The following CNTN5 variants were observed in gnomAD, a reference collection of about 807,000 sequenced individuals.
The protein encoded by CNTN5 is contactin 5.
CNTN5 carries 77 observed loss-of-function variants against 129.1 expected under a neutral mutation model. The ratio of observed to expected loss-of-function variants is 0.60; its 90% confidence interval spans 0.50 to 0.72. The LOEUF (loss-of-function observed/expected upper bound fraction) is 0.72. CNTN5 is among the 30% of genes least tolerant of loss of function. The pLI, the probability that CNTN5 is intolerant of heterozygous loss-of-function variation, is 0.00. For synonymous variants in CNTN5, 509 were observed against 465.6 expected (o/e 1.09, Z -1.20); for missense variants, 1,478 against 1,328.8 (o/e 1.11, Z -1.75).
chr11:100,320,479 C>T (rs1286429245), intron 21 of CNTN5, among the ~76,000 whole-genome samples: 1 of 152,072 alleles, frequency 6.6e-6, no homozygotes, highest in Non-Finnish European at 1.5e-5. Context: ...TATTTTTGCC[C>T]ATTCTGTAGG....
At position 99,738,121 on chromosome 11, in the gene CNTN5, C is replaced by T. The variant is rs866326060; in HGVS notation, c.56-81423C>T. ...GTCTTAAGGACTGAATTATGCCTCC[C>T]GACTTCAAATCATATGTTGACATCT... On this transcript the variant is annotated intron_variant, in intron 3 of 24. Coordinates refer to ENST00000524871, the MANE Select transcript of CNTN5 (RefSeq NM_014361.4). Among the ~76,000 whole-genome samples the T allele has an allele frequency of 2.6e-5, 4 of 152,222 alleles. No homozygotes were observed. In the South Asian group the frequency reaches 6.2e-4, roughly 24 times the overall value.
At chr11:99,131,939 T>C (rs779944875) in intron 1 of CNTN5, among the ~76,000 whole-genome samples, 2 of 152,004 alleles carry the variant, frequency 1.3e-5, no homozygotes, top group Non-Finnish European at 2.9e-5. Context: ...CTAGCAGAGA[T>C]GCAACAAAAA....
chr11:99,080,005 C>T (rs541624230), intron 1 of CNTN5, among the ~76,000 whole-genome samples: 1 of 152,310 alleles, frequency 6.6e-6, no homozygotes, highest in East Asian at 1.9e-4. Flanking sequence ...TTATGCTTTA[C>T]ATTCCACATG....
At chr11:100,349,578 A>G (rs1428142654) in intron 23 of CNTN5, among the ~76,000 whole-genome samples, 2 of 151,912 alleles carry the variant, frequency 1.3e-5, no homozygotes, top group Non-Finnish European at 2.9e-5. Flanking sequence ...AAATTTTCCC[A>G]GCCAGGAAGG....
intron 1 of CNTN5, among the ~76,000 whole-genome samples, chr11:99,299,216 G>A (rs80235128): frequency 0.011 from 1,664 of 152,198 alleles, 40 homozygotes; most frequent in African/African-American, 0.037. Flanking sequence ...ACAGATATTG[G>A]TCTTACTAGA....
At chr11:99,035,282 A>G (rs973326915) in intron 1 of CNTN5, among the ~76,000 whole-genome samples, 15 of 149,500 alleles carry the variant, frequency 1.0e-4, no homozygotes, top group Admixed American at 4.0e-4. Flanking sequence ...GATGTCTATT[A>G]GGTCCGCTTG....
At position 99,934,928 on chromosome 11, in the gene CNTN5, A is replaced by T. The variant is rs868454622; in HGVS notation, c.673+18779A>T. 1.6e-3 allele frequency among the ~76,000 whole-genome samples: 135 copies of T among 84,804 alleles called. 5 individuals carry two copies. Among genetic ancestry groups the T allele is most frequent in the African/African-American group, 7.4e-3 (121 of 16,404 alleles). The allele number at this position is 84,804 out of a possible 152,430, so 55.6% of individuals were successfully genotyped here. A position where few individuals can be genotyped will look rare whatever the true frequency, so the allele number is the denominator to read the frequency against. On this transcript the variant is annotated intron_variant, in intron 7 of 24. Transcript: ENST00000524871. ...TATATATATATATATATATATATAT[A>T]TATATATATATATATATATACACAC... is the stretch of plus-strand genomic sequence containing the variant.
At chr11:99,803,292 C>G (rs1469688995) in intron 3 of CNTN5, among the ~76,000 whole-genome samples, 1 of 152,218 alleles carries the variant, frequency 6.6e-6, no homozygotes, top group Non-Finnish European at 1.5e-5. Flanking sequence ...CGAGCTGGCC[C>G]TGGCTGCAGG....
rs574201192 is a variant in CNTN5, at chr11:99,290,637, A to T, written c.-209-34709A>T. On this transcript the variant is annotated intron_variant, in intron 1 of 24. Transcript: ENST00000524871. ...TTTCTAGCAACTGGCAATTTATTTT[A>T]TGTAAGATATAATGAGACTACATTT... Among the ~76,000 whole-genome samples, 23 of 151,992 alleles carry T rather than the reference A, an allele frequency of 1.5e-4. 1 individual carries two copies. The South Asian group carries it at 4.8e-3, about 31-fold the overall frequency.
At chr11:100,063,842 G>A (rs1249047313) in intron 10 of CNTN5, among the ~76,000 whole-genome samples, 1 of 152,042 alleles carries the variant, frequency 6.6e-6, no homozygotes, top group East Asian at 1.9e-4. Context: ...AACCATTATA[G>A]TGCCTCTGTA....
intron 1 of CNTN5, among the ~76,000 whole-genome samples, chr11:99,210,568 C>T (rs989228754): frequency 6.6e-6 from 1 of 152,034 alleles, no homozygotes; most frequent in Non-Finnish European, 1.5e-5. Flanking sequence ...TCTTTTAGTT[C>T]ACTTTGTCTC....
chr11:99,771,691 T>C (rs753847811), intron 3 of CNTN5, among the ~76,000 whole-genome samples: 14 of 151,934 alleles, frequency 9.2e-5, no homozygotes, highest in Non-Finnish European at 2.1e-4. Flanking sequence ...TATAATCAAT[T>C]AGAAGATGAC....
intron 1 of CNTN5, among the ~76,000 whole-genome samples, chr11:99,139,762 A>G (rs918999922): frequency 4.6e-5 from 7 of 152,184 alleles, no homozygotes; most frequent in African/African-American, 1.7e-4. Flanking sequence ...AATATTTGAC[A>G]ATTATGCTAA....
chr11:99,731,595 C>G (rs1943537320), intron 3 of CNTN5, among the ~76,000 whole-genome samples: 1 of 152,074 alleles, frequency 6.6e-6, no homozygotes, highest in African/African-American at 2.4e-5. Context: ...TTTTAACATA[C>G]AGAGTTGACT....
chr11:99,669,790 A>G (rs1200023631), intron 3 of CNTN5, among the ~76,000 whole-genome samples: 1 of 152,140 alleles, frequency 6.6e-6, no homozygotes, highest in East Asian at 1.9e-4. Flanking sequence ...CCCTAAGCCA[A>G]GTATTTAAGC....
chr11:99,467,450 T>G (rs992974500), intron 2 of CNTN5, among the ~76,000 whole-genome samples: 1 of 152,136 alleles, frequency 6.6e-6, no homozygotes, highest in Non-Finnish European at 1.5e-5. Flanking sequence ...AACAACTTTC[T>G]TTTTTTGTTT....
chr11:99,920,694 C>T (rs1463984445), intron 7 of CNTN5, among the ~76,000 whole-genome samples: 1 of 152,170 alleles, frequency 6.6e-6, no homozygotes, highest in African/African-American at 2.4e-5. Context: ...CAACTTCTTG[C>T]TGTGTACTCA....
intron 1 of CNTN5, among the ~76,000 whole-genome samples, chr11:99,240,521 G>T (rs984277438): frequency 6.6e-6 from 1 of 152,124 alleles, no homozygotes; most frequent in Non-Finnish European, 1.5e-5. Flanking sequence ...TGCCTACACA[G>T]AGGGAACTGA....
chr11:100,070,179 A>G lies in CNTN5; in HGVS notation c.1163-245A>G, dbSNP rs574462948. On this transcript the variant is annotated intron_variant, in intron 10 of 24. Transcript: ENST00000524871. ...CACTTAAAGTCCAAAAAAAAAAAAA[A>G]AAGAAGAAGAAGATTTTGCATAGTT... Among the ~76,000 whole-genome samples, 43 of 151,806 alleles carry G rather than the reference A, an allele frequency of 2.8e-4. 2 individuals carry two copies. In the South Asian group the frequency reaches 6.4e-3, roughly 23 times the overall value.
Sources: gnomAD v4.1 joint callset for allele counts (sites outside exome capture counted in the v4.1 genomes callset) on GRCh38, gnomAD v4.1.1 for gene constraint, MANE v1.5 for transcripts, NCBI Gene and HGNC (gene_info 2026-07-23, HGNC 2026-07-21) for gene names.